Variants in DNAH8 observed in about 807,000 individuals in gnomAD.
The protein encoded by DNAH8 is dynein axonemal heavy chain 8, also known as axonemal beta dynein heavy chain 8.
DNAH8 carries 382 observed loss-of-function variants against 562.1 expected under a neutral mutation model. The ratio of observed to expected loss-of-function variants is 0.68; its 90% CI spans 0.63 to 0.74. The LOEUF is 0.74. DNAH8 is among the 30% of genes least tolerant of loss of function. DNAH8 has a pLI of 0.00. For synonymous variants in DNAH8, 1,881 were observed against 1,919.4 expected, an observed-to-expected ratio of 0.98 and a Z score of 0.52; for missense variants, 5,203 against 5,620.4, an observed-to-expected ratio of 0.93 and a Z score of 2.37.
intron 85 of DNAH8, among the ~76,000 whole-genome samples, chr6:38,980,327 A>G (rs1002408281): frequency 1.3e-5 from 2 of 152,168 alleles, no homozygotes; most frequent in Non-Finnish European, 2.9e-5. Flanking sequence ...AACCCACAAA[A>G]CAAAAACCAA....
Position 38,850,391 on chromosome 6 carries a change from A to G in DNAH8, c.5340A>G (p.Glu1780=). The G allele has an allele frequency of 6.2e-7, 1 of 1,613,292 alleles. No individual in the cohort carries two copies. The highest frequency in any genetic ancestry group is 1.1e-5 in the South Asian group (1 of 90,910). Residue 1780 remains glutamate, a synonymous_variant, in exon 38 of 93, where the codon GAA becomes GAG. Coordinates refer to ENST00000327475, the MANE Select transcript of DNAH8 (RefSeq NM_001206927.2). The stretch of plus-strand genomic sequence containing the variant: ...TACCTCATTTACATGAGCAGTTGGA[A>G]GTATGTCAGAAGTCACTCACAGGGT... ...QLLPHLHEQL[E]VCQKSLTGYL... is the part of the protein sequence containing the mutation.
chr6:38,790,801 C>T (rs1292732566), intron 20 of DNAH8, among the ~76,000 whole-genome samples: 9 of 150,172 alleles, frequency 6.0e-5, no homozygotes, highest in Non-Finnish European at 8.9e-5. Flanking sequence ...CCAACCTGGG[C>T]GACAGGGCAA....
chr6:38,943,112 A>C (rs1783592123), intron 79 of DNAH8, among the ~76,000 whole-genome samples: 1 of 152,226 alleles, frequency 6.6e-6, no homozygotes, highest in Admixed American at 6.5e-5. Flanking sequence ...GATTTAATTT[A>C]GTTGGCAATA....
Position 38,890,761 on chromosome 6 carries a change from G to A in DNAH8, c.8583G>A (p.Lys2861=). The A allele has an allele frequency of 6.3e-7, 1 of 1,596,354 alleles. No homozygotes were observed. Among genetic ancestry groups the A allele is most frequent in the Non-Finnish European group, 8.6e-7 (1 of 1,163,932 alleles). ...SVGRVLWQWT[K]VKMLPTPSKF... ...GTAGAGTGCTGTGGCAATGGACTAA[G>A]GTACAGAATGGTTTGTCAATAATTT... is the stretch of plus-strand genomic sequence containing the variant. Residue 2861 remains lysine (K), a splice_region_variant and synonymous_variant, in exon 58 of 93, where the codon AAG becomes AAA. Coordinates refer to ENST00000327475, the MANE Select transcript of DNAH8 (RefSeq NM_001206927.2).
At chr6:38,964,470 T>C (rs1303087565) in intron 82 of DNAH8, among the ~76,000 whole-genome samples, 1 of 149,420 alleles carries the variant, frequency 6.7e-6, no homozygotes, top group African/African-American at 2.5e-5. Flanking sequence ...CTTTTTCATA[T>C]GTTGTGAATT....
chr6:38,790,640 T>C (rs1036056718), intron 20 of DNAH8, among the ~76,000 whole-genome samples: 4 of 151,910 alleles, frequency 2.6e-5, no homozygotes, highest in African/African-American at 9.7e-5. Flanking sequence ...CTGGCCAACA[T>C]GGTGAAACCC....
Position 38,873,346 on chromosome 6 carries a change from GC to G in DNAH8, c.7591del (p.Gln2531SerfsTer18). On this transcript the variant is annotated frameshift_variant, in exon 52 of 93. Coordinates refer to ENST00000327475, the MANE Select transcript of DNAH8 (RefSeq NM_001206927.2). LOFTEE classifies it high-confidence loss of function. ...TGAAGCTAAATCTCAATCCCAAAAT[GC>G]AGCTCTTGGAGTGCAACTATATTGT... ...YMKLNLNPKM[Q>X]LLECNYIVQS... 1 of 1,610,698 alleles carries G rather than the reference GC, an allele frequency of 6.2e-7. No individual in the cohort carries two copies. Among genetic ancestry groups the G allele is most frequent in the Non-Finnish European group, 8.5e-7 (1 of 1,179,248 alleles).
At chr6:39,010,788 C>T (rs2150769827) in intron 89 of DNAH8, among the ~76,000 whole-genome samples, 1 of 139,552 alleles carries the variant, frequency 7.2e-6, no homozygotes, top group Non-Finnish European at 1.5e-5. Flanking sequence ...TATACACACA[C>T]ACGCACGTGT....
In DNAH8 at chr6:38,770,395, C is replaced by T; in HGVS notation, c.1618-18C>T. 1 of 1,509,450 alleles carries T rather than the reference C, an allele frequency of 6.6e-7. No individual in the cohort carries two copies. Among genetic ancestry groups the T allele is most frequent in the Non-Finnish European group, 8.9e-7 (1 of 1,119,194 alleles). The allele number at this position is 1,509,450 out of a possible 1,614,324, so 93.5% of individuals were successfully genotyped here. ...ATGTCTCACTTTCTTTTCCCTATTT[C>T]TTTTACTTTTCTCATAGGACTGCAT... On this transcript the variant is annotated intron_variant, in intron 11 of 92. Coordinates refer to ENST00000327475, the MANE Select transcript of DNAH8 (RefSeq NM_001206927.2).
chr6:38,773,251 C>T (rs1287186181), intron 12 of DNAH8, among the ~76,000 whole-genome samples: 1 of 148,622 alleles, frequency 6.7e-6, no homozygotes, highest in Non-Finnish European at 1.5e-5. Flanking sequence ...AGGTGGGTCT[C>T]AGTTACCCCT....
intron 9 of DNAH8, 62 bp from the exon 10 acceptor site, chr6:38,755,910 G>T: frequency 1.1e-6 from 1 of 948,916 alleles, no homozygotes; most frequent in Non-Finnish European, 1.7e-6. Flanking sequence ...GAGTATTATA[G>T]AATATTGGTT....
At chr6:39,006,424 A>G (rs1382110623) in intron 88 of DNAH8, among the ~76,000 whole-genome samples, 1 of 152,160 alleles carries the variant, frequency 6.6e-6, no homozygotes, top group African/African-American at 2.4e-5. Context: ...CAAATACAGT[A>G]TTTTGTAGTG....
Position 38,899,822 on chromosome 6 carries a change from G to A in DNAH8, c.9110G>A (p.Gly3037Asp). ...RTSCGNALLVGVGGSGKQSLS... is the reference protein window; with the variant it reads ...RTSCGNALLVDVGGSGKQSLS... ...TCGTGTGGAAATGCATTGCTGGTGG[G>A]TGTTGGTGGTTCCGGAAAACAAAGT... Residue 3037 changes from glycine (G) to aspartate (D), a missense_variant, in exon 62 of 93, where the codon GGT becomes GAT. By Grantham distance (94) the Gly-to-Asp change is moderately conservative. Coordinates refer to ENST00000327475, the MANE Select transcript of DNAH8 (RefSeq NM_001206927.2). 2 of 1,613,142 alleles carry A rather than the reference G, an allele frequency of 1.2e-6. No individual in the cohort carries two copies. The highest frequency in any genetic ancestry group is 1.7e-6 in the Non-Finnish European group (2 of 1,179,632).
In DNAH8 at chr6:39,000,383, T is replaced by C. The variant is rs146712578; in HGVS notation, c.13215-8431T>C. On this transcript the variant is annotated intron_variant, in intron 88 of 92. Coordinates refer to ENST00000327475, the MANE Select transcript of DNAH8 (RefSeq NM_001206927.2). Reference sequence around the variant, plus strand: ...GTTGTGCCTTAAAGCAGGGGTCCACTACCCCTGGGCCACAAGCCAATACCA... The same window carrying C: ...GTTGTGCCTTAAAGCAGGGGTCCACCACCCCTGGGCCACAAGCCAATACCA... Among the ~76,000 whole-genome samples, 127 of 152,282 alleles carry C rather than the reference T, an allele frequency of 8.3e-4. 2 individuals carry two copies. In the East Asian group the frequency reaches 0.017, roughly 20 times the overall value.
At chr6:38,996,292 T>C (rs1430455250) in intron 88 of DNAH8, among the ~76,000 whole-genome samples, 20 of 152,120 alleles carry the variant, frequency 1.3e-4, no homozygotes, top group East Asian at 1.9e-4. Context: ...ACCTCTTTTA[T>C]AGTCATGTCC....
rs760123277 is a variant in DNAH8 at position 38,917,420 on chromosome 6, A to G, written c.10308+14A>G. The stretch of plus-strand genomic sequence containing the variant: ...GAGTCATTAAAGGTAAGTAAAATCT[A>G]TCATTGTCAATCCTATGAGCTGCAT... On this transcript the variant is annotated intron_variant, in intron 69 of 92. Transcript: ENST00000327475. The G allele has an allele frequency of 1.4e-5, 23 of 1,608,966 alleles. No individual in the cohort carries two copies. Among genetic ancestry groups the G allele is most frequent in the Middle Eastern group, 1.7e-4 (1 of 6,052 alleles).
chr6:39,024,327 G>A (rs187637840), intron 91 of DNAH8, among the ~76,000 whole-genome samples: 6 of 152,208 alleles, frequency 3.9e-5, no homozygotes, highest in African/African-American at 1.4e-4. Flanking sequence ...CATAAAATAG[G>A]GTTGATTTAA....
chr6:38,932,067 T>C (rs1782588233), intron 76 of DNAH8, 74 bp downstream of exon 76: 1 of 1,229,714 alleles, frequency 8.1e-7, no homozygotes, highest in African/African-American at 1.6e-5. Flanking sequence ...TTGCTAAGTA[T>C]GTGAAAAAGA....
chr6:38,988,781 C>T (rs1764582890), intron 87 of DNAH8, among the ~76,000 whole-genome samples: 1 of 152,214 alleles, frequency 6.6e-6, no homozygotes, highest in Non-Finnish European at 1.5e-5. Flanking sequence ...TCCTCTCCTT[C>T]AAGGCTTAGC....
Sources: gnomAD v4.1 joint callset for allele counts (sites outside exome capture counted in the v4.1 genomes callset) on GRCh38, gnomAD v4.1.1 for gene constraint, MANE v1.5 for transcripts, NCBI Gene and HGNC (gene_info 2026-07-23, HGNC 2026-07-21) for gene names.